The following CDK14 variants were observed in gnomAD, a reference collection of about 807,000 sequenced individuals.
CDK14 encodes cyclin-dependent kinase 14.
In CDK14, 34 loss-of-function variants were observed where a neutral mutation model predicts 60.7. The ratio of observed to expected loss-of-function variants is 0.56; its 90% CI spans 0.43 to 0.75. CDK14 has a LOEUF of 0.75. Ranked by LOEUF, CDK14 falls within the 30% of genes least tolerant of loss-of-function variation. The probability of loss-of-function intolerance (pLI) is 0.00; values close to 1 mark genes in which losing one functional copy is unlikely to be tolerated. For synonymous variants in CDK14, 197 were observed against 203.7 expected (o/e 0.97, Z 0.28); for missense variants, 482 against 564.1 (o/e 0.85, Z 1.47).
intron 12 of CDK14, among the ~76,000 whole-genome samples, chr7:91,091,311 T>G (rs1172590029): frequency 6.9e-6 from 1 of 144,780 alleles, no homozygotes; most frequent in African/African-American, 2.6e-5. Context: ...TATACATATA[T>G]AATTTATGTA....
intron 5 of CDK14, among the ~76,000 whole-genome samples, chr7:90,826,450 C>T (rs1185503253): frequency 1.3e-5 from 2 of 152,060 alleles, no homozygotes; most frequent in Non-Finnish European, 1.5e-5. Context: ...ATCACCTGAC[C>T]TCATGATCTG....
At chr7:90,725,407 A>G (rs1802602488) in intron 2 of CDK14, among the ~76,000 whole-genome samples, 1 of 152,164 alleles carries the variant, frequency 6.6e-6, no homozygotes, top group African/African-American at 2.4e-5. Flanking sequence ...CCATATACAT[A>G]GCCGCATTTA....
intron 6 of CDK14, among the ~76,000 whole-genome samples, chr7:90,883,137 A>C (rs1019877174): frequency 3.3e-5 from 5 of 151,776 alleles, no homozygotes; most frequent in African/African-American, 1.2e-4. Flanking sequence ...AAAAAACTCC[A>C]AAAAATAAAT....
chr7:91,132,814 A>G (rs1800158436), intron 14 of CDK14, among the ~76,000 whole-genome samples: 3 of 152,154 alleles, frequency 2.0e-5, no homozygotes, highest in African/African-American at 7.2e-5. Flanking sequence ...CAAATGAGGG[A>G]AAAATTAATT....
chr7:91,168,725 A>G (rs1229483405), intron 14 of CDK14, among the ~76,000 whole-genome samples: 1 of 152,208 alleles, frequency 6.6e-6, no homozygotes, highest in African/African-American at 2.4e-5. Flanking sequence ...ATACCTCTCA[A>G]CATTTTAAAA....
chr7:90,963,593 A>G (rs1309125133), intron 9 of CDK14, among the ~76,000 whole-genome samples: 1 of 151,638 alleles, frequency 6.6e-6, no homozygotes, highest in Non-Finnish European at 1.5e-5. Flanking sequence ...AAAGAAAATG[A>G]TGTTTATTCA....
intron 11 of CDK14, among the ~76,000 whole-genome samples, chr7:91,063,984 G>T (rs1334356996): frequency 6.6e-6 from 1 of 152,104 alleles, no homozygotes; most frequent in Non-Finnish European, 1.5e-5. Flanking sequence ...AGTGGGTACT[G>T]CTGTTATCCC....
At chr7:91,013,753 C>G (rs775178127) in intron 10 of CDK14, among the ~76,000 whole-genome samples, 3 of 145,178 alleles carry the variant, frequency 2.1e-5, no homozygotes, top group Non-Finnish European at 4.5e-5. Flanking sequence ...ATCATAGTGT[C>G]TCACAATGAT....
chr7:90,620,117 G>A lies in CDK14; in HGVS notation c.123+15868G>A, dbSNP rs146276562. 8.3e-3 allele frequency among the ~76,000 whole-genome samples: 1,267 copies of A among 152,276 alleles called. 9 individuals carry two copies. Among genetic ancestry groups the A allele is most frequent in the Non-Finnish European group, 0.013 (906 of 68,018 alleles). On this transcript the variant is annotated intron_variant, in intron 2 of 14. Transcript: ENST00000380050. ...TGTAATACATGTCCTACAAGATGAT[G>A]TATCAATGTATAGTATTTTTGTCTA...
At chr7:91,106,422 A>G (rs1057200803) in intron 12 of CDK14, among the ~76,000 whole-genome samples, 5 of 152,198 alleles carry the variant, frequency 3.3e-5, no homozygotes, top group East Asian at 1.9e-4. Context: ...TATCATTTGT[A>G]TTTCTGGCAC....
At chr7:91,039,840 C>G (rs1018154087) in intron 10 of CDK14, among the ~76,000 whole-genome samples, 1 of 152,014 alleles carries the variant, frequency 6.6e-6, no homozygotes, top group Non-Finnish European at 1.5e-5. Context: ...ACCCGTAGTC[C>G]TAGAACTTTG....
chr7:90,812,060 G>C (rs988602258), intron 5 of CDK14, among the ~76,000 whole-genome samples: 1 of 152,094 alleles, frequency 6.6e-6, no homozygotes, highest in Non-Finnish European at 1.5e-5. Context: ...TCAGTGTGGC[G>C]ATTCCTCAGG....
chr7:90,784,018 C>T (rs1385176955), intron 4 of CDK14, among the ~76,000 whole-genome samples: 2 of 152,170 alleles, frequency 1.3e-5, no homozygotes, highest in Non-Finnish European at 2.9e-5. Flanking sequence ...GGTATGGAAT[C>T]AGCTTACAAG....
At chr7:90,615,381 C>T (rs555688887) in intron 2 of CDK14, among the ~76,000 whole-genome samples, 1 of 152,260 alleles carries the variant, frequency 6.6e-6, no homozygotes, top group East Asian at 1.9e-4. Context: ...TCTCTGACTA[C>T]CCTCATGTAA....
At chr7:91,159,825 A>G (rs562328514) in intron 14 of CDK14, among the ~76,000 whole-genome samples, 1 of 152,274 alleles carries the variant, frequency 6.6e-6, no homozygotes, top group Admixed American at 6.5e-5. Context: ...GGGTATGGCC[A>G]TGGTGGTGTT....
At chr7:91,078,887 AAAAC>A (rs1205077423) in intron 11 of CDK14, among the ~76,000 whole-genome samples, 2 of 152,232 alleles carry the variant, frequency 1.3e-5, no homozygotes, top group Non-Finnish European at 2.9e-5. Context: ...TTAACTTGGT[AAAAC>A]AAACATGTTC....
At chr7:90,635,718 C>T (rs1448260324) in intron 2 of CDK14, among the ~76,000 whole-genome samples, 2 of 152,010 alleles carry the variant, frequency 1.3e-5, no homozygotes, top group African/African-American at 4.8e-5. Flanking sequence ...TATAAATTAC[C>T]TTGGGCAGTA....
At position 91,034,939 on chromosome 7, in the gene CDK14, T is replaced by TAC. The variant is rs1424202298; in HGVS notation, c.1042-10954_1042-10953dup. On this transcript the variant is annotated intron_variant, in intron 10 of 14. Transcript: ENST00000380050. ...ACACCTGTGTACACACACACACACA[T>TAC]ACACATACACACACACACACACACA... Among the ~76,000 whole-genome samples the TAC allele has an allele frequency of 4.3e-3, 409 of 94,580 alleles. 1 individual carries two copies. The highest frequency in any genetic ancestry group is 0.016 in the African/African-American group (374 of 23,546). 62.0% of individuals were successfully genotyped at this position (94,580 alleles called of 152,430 possible).
At chr7:90,827,451 T>G (rs1240380720) in intron 5 of CDK14, among the ~76,000 whole-genome samples, 1 of 152,226 alleles carries the variant, frequency 6.6e-6, no homozygotes, top group Non-Finnish European at 1.5e-5. Flanking sequence ...CATTTTCAAC[T>G]CATTTGAATA....
Sources: gnomAD v4.1 joint callset for allele counts (sites outside exome capture counted in the v4.1 genomes callset) on GRCh38, gnomAD v4.1.1 for gene constraint, MANE v1.5 for transcripts, NCBI Gene and HGNC (gene_info 2026-07-23, HGNC 2026-07-21) for gene names.